EXT2: variants seen among roughly 807,000 people sequenced by gnomAD.
EXT2 encodes the protein exostosin glycosyltransferase 2.
EXT2 carries 53 observed loss-of-function variants against 81.6 expected under a neutral mutation model. The ratio of observed to expected loss-of-function variants is 0.65; its 90% CI spans 0.52 to 0.82. The LOEUF (loss-of-function observed/expected upper bound fraction) is 0.82, where lower values mean the gene tolerates loss of function less well. Among genes scored for constraint, EXT2 ranks in the 40% least tolerant of loss-of-function variants. The pLI is 0.00. For synonymous variants in EXT2, 320 were observed against 340.0 expected (o/e 0.94, Z 0.65); for missense variants, 774 against 910.2 (o/e 0.85, Z 1.93).
In EXT2 at chr11:44,115,116, C is replaced by T. The variant is rs115866816; in HGVS notation, c.743+815C>T. 2.2e-3 allele frequency among the ~76,000 whole-genome samples: 337 copies of T among 152,268 alleles called. 2 individuals are homozygous for T. Among genetic ancestry groups the T allele is most frequent in the African/African-American group, 7.7e-3 (320 of 41,552 alleles). On this transcript the variant is annotated intron_variant, in intron 4 of 13. Coordinates refer to ENST00000533608, the MANE Select transcript of EXT2 (RefSeq NM_207122.2). ...GCACGTCTCTTAGAGTGATGCCCAT[C>T]GCTGCACACATGATGCCCATCGTGA... is the stretch of plus-strand genomic sequence containing the variant.
intron 8 of EXT2, among the ~76,000 whole-genome samples, chr11:44,194,265 T>C (rs577230393): frequency 2.6e-5 from 4 of 152,348 alleles, no homozygotes; most frequent in African/African-American, 9.6e-5. Context: ...GTGCACACTT[T>C]GTGTCAGTGT....
At chr11:44,188,825 G>A (rs910113539) in intron 8 of EXT2, among the ~76,000 whole-genome samples, 9 of 152,154 alleles carry the variant, frequency 5.9e-5, no homozygotes, top group Admixed American at 2.0e-4. Context: ...TCCAACATAC[G>A]TCTAAGCTGA....
rs1004468506 is a variant in EXT2 at position 44,245,083 on chromosome 11, G to A, written c.*796G>A. On this transcript the variant is annotated 3_prime_UTR_variant, in exon 14 of 14. Coordinates refer to ENST00000533608, the MANE Select transcript of EXT2 (RefSeq NM_207122.2). ...ATGTCTGATACCCTCTGCATCAAGC[G>A]TAAGAAGGTCCCAAATCATAACCAT... The A allele has an allele frequency of 8.2e-5, 19 of 230,964 alleles. No individual in the cohort carries two copies. Among genetic ancestry groups the A allele is most frequent in the Non-Finnish European group, 9.4e-5 (11 of 116,632 alleles). The allele number at this position is 230,964 out of a possible 1,614,324, so 14.3% of individuals were successfully genotyped here.
intron 8 of EXT2, among the ~76,000 whole-genome samples, chr11:44,172,323 G>A (rs1366501305): frequency 6.6e-6 from 1 of 152,154 alleles, no homozygotes; most frequent in East Asian, 1.9e-4. Context: ...TCCTCCTTGT[G>A]TGAAGGAATC....
chr11:44,146,003 A>G (rs934299148), intron 7 of EXT2, among the ~76,000 whole-genome samples: 2 of 152,184 alleles, frequency 1.3e-5, no homozygotes, highest in Non-Finnish European at 2.9e-5. Flanking sequence ...AAACAACAGA[A>G]ATCTATTTCT....
chr11:44,129,966 G>A (rs1050528479), intron 6 of EXT2, 79 bp from the exon 7 acceptor site: 4 of 1,116,484 alleles, frequency 3.6e-6, no homozygotes, highest in African/African-American at 3.1e-5. Flanking sequence ...TTCTGCTTGT[G>A]AAATGAAACA....
intron 3 of EXT2, among the ~76,000 whole-genome samples, chr11:44,112,810 A>G (rs766949755): frequency 1.1e-4 from 17 of 152,190 alleles, no homozygotes; most frequent in Non-Finnish European, 2.2e-4. Context: ...GGTTGATGTG[A>G]TATACAACTG....
chr11:44,132,682 C>T lies in EXT2; in HGVS notation c.1173+2544C>T, dbSNP rs11037883. Among the ~76,000 whole-genome samples, 1,203 of 152,306 alleles carry T rather than the reference C, an allele frequency of 7.9e-3. 12 individuals are homozygous for T. The highest frequency in any genetic ancestry group is 0.028 in the African/African-American group (1,155 of 41,556). On this transcript the variant is annotated intron_variant, in intron 7 of 13. Coordinates refer to ENST00000533608, the MANE Select transcript of EXT2 (RefSeq NM_207122.2). The stretch of plus-strand genomic sequence containing the variant: ...TGAACAGCTCTAGTCACAAGGGCCA[C>T]TTGCCTCCTCTAGTGGTGAACAGTC...
At position 44,250,041 on chromosome 11, in the gene EXT2, G is replaced by A. The variant is rs942380301; in HGVS notation, c.*5754G>A. 1.3e-5 allele frequency among the ~76,000 whole-genome samples: 2 copies of A among 152,202 alleles called. No individual in the cohort carries two copies. Among genetic ancestry groups the A allele is most frequent in the African/African-American group, 4.8e-5 (2 of 41,454 alleles). On this transcript the variant is annotated 3_prime_UTR_variant, in exon 14 of 14. Transcript: ENST00000533608. ...GCTGAGATTGTGCCACTACACTCCA[G>A]CCTGGGCGACAGAGCAAGACTCCGT...
intron 10 of EXT2, among the ~76,000 whole-genome samples, chr11:44,219,917 G>A (rs977511593): frequency 1.3e-5 from 2 of 152,234 alleles, no homozygotes; most frequent in East Asian, 1.9e-4. Flanking sequence ...GTGGGAACTA[G>A]CACCTTAGAT....
chr11:44,204,668 C>T (rs1955561092), intron 9 of EXT2, among the ~76,000 whole-genome samples: 1 of 152,194 alleles, frequency 6.6e-6, no homozygotes, highest in South Asian at 2.1e-4. Context: ...ATTAGATTCT[C>T]ACTCAAGCGA....
intron 2 of EXT2, among the ~76,000 whole-genome samples, chr11:44,108,578 A>G (rs188847970): frequency 9.2e-5 from 14 of 152,352 alleles, no homozygotes; most frequent in East Asian, 1.9e-4. Context: ...TAGCACTTAC[A>G]TAATACACAT....
chr11:44,223,123 A>G (rs1294959983), intron 10 of EXT2, among the ~76,000 whole-genome samples: 1 of 152,254 alleles, frequency 6.6e-6, no homozygotes, highest in African/African-American at 2.4e-5. Flanking sequence ...AAAAAAATAC[A>G]AACAGCAAAT....
intron 7 of EXT2, among the ~76,000 whole-genome samples, chr11:44,168,908 C>T (rs185262047): frequency 2.2e-3 from 329 of 152,128 alleles, no homozygotes; most frequent in African/African-American, 7.3e-3. Flanking sequence ...GGTAAATATA[C>T]GGTGAAAATT....
chr11:44,170,357 T>A (rs1462169221), intron 7 of EXT2, among the ~76,000 whole-genome samples: 1 of 152,276 alleles, frequency 6.6e-6, no homozygotes, highest in East Asian at 1.9e-4. Context: ...TTTAAATGCC[T>A]ATATTAAAAA....
chr11:44,104,697 C>A (rs1002064114), intron 1 of EXT2: 8 of 152,226 alleles, frequency 5.3e-5, no homozygotes, highest in Non-Finnish European at 5.9e-5. Context: ...CAGCGGAGGG[C>A]AGCTCCTTGC....
At position 44,245,967 on chromosome 11, in the gene EXT2, T is replaced by C. The variant is rs143971236; in HGVS notation, c.*1680T>C. On this transcript the variant is annotated 3_prime_UTR_variant, in exon 14 of 14. Coordinates refer to ENST00000533608, the MANE Select transcript of EXT2 (RefSeq NM_207122.2). Reference sequence around the variant, plus strand: ...CAGAAACTGAAGTGATTTTTTTCAGTTTCTGACAGCAGCAAACACAGGTGC... The same window carrying C: ...CAGAAACTGAAGTGATTTTTTTCAGCTTCTGACAGCAGCAAACACAGGTGC... 1.1e-3 allele frequency among the ~76,000 whole-genome samples: 173 copies of C among 152,368 alleles called. No homozygotes were observed. Among genetic ancestry groups the C allele is most frequent in the African/African-American group, 4.0e-3 (165 of 41,590 alleles).
rs1956132172 is a variant in EXT2, at chr11:44,250,808, T to C, written c.*6521T>C. Reference sequence around the variant, plus strand: ...TGTGGCTTAATTTCAATAGAAAGGGTTATATGCAACCCTGTATCTGCTGAT... The same window carrying C: ...TGTGGCTTAATTTCAATAGAAAGGGCTATATGCAACCCTGTATCTGCTGAT... On this transcript the variant is annotated 3_prime_UTR_variant, in exon 14 of 14. Coordinates refer to ENST00000533608, the MANE Select transcript of EXT2 (RefSeq NM_207122.2). 6.6e-6 allele frequency among the ~76,000 whole-genome samples: 1 copy of C among 152,160 alleles called. No homozygotes were observed. The highest frequency in any genetic ancestry group is 2.1e-4 in the South Asian group (1 of 4,822).
chr11:44,242,930 C>T (rs114560360), intron 13 of EXT2, among the ~76,000 whole-genome samples: 135 of 152,196 alleles, frequency 8.9e-4, no homozygotes, highest in African/African-American at 3.3e-3. Context: ...AGTCCTACCC[C>T]ATAGGGTTGT....
Sources: gnomAD v4.1 joint callset for allele counts (sites outside exome capture counted in the v4.1 genomes callset) on GRCh38, gnomAD v4.1.1 for gene constraint, MANE v1.5 for transcripts, NCBI Gene and HGNC (gene_info 2026-07-23, HGNC 2026-07-21) for gene names.